Variants in AP2A2 observed in about 807,000 individuals in gnomAD.
AP2A2 encodes the protein AP-2 complex subunit alpha-2.
AP2A2 carries 32 observed loss-of-function variants against 104.2 expected under a neutral mutation model. That is an observed-to-expected ratio of 0.31 (90% CI 0.23 to 0.41). The LOEUF (loss-of-function observed/expected upper bound fraction) is 0.41, where lower values mean the gene tolerates loss of function less well. Ranked by LOEUF, AP2A2 falls within the 10% of genes least tolerant of loss-of-function variation. The pLI is 1.00. For missense variants in AP2A2, 912 were observed against 1,261.0 expected (o/e 0.72, Z 4.19); for synonymous variants, 539 against 533.3 (o/e 1.01, Z -0.15).
chr11:997,618 T>G (rs1196800800), intron 14 of AP2A2, among the ~76,000 whole-genome samples: 1 of 152,178 alleles, frequency 6.6e-6, no homozygotes, highest in Non-Finnish European at 1.5e-5. Flanking sequence ...TTAAAAGCCA[T>G]AGATGGCTGG....
intron 1 of AP2A2, among the ~76,000 whole-genome samples, chr11:945,868 A>G (rs1478637834): frequency 6.6e-6 from 1 of 152,210 alleles, no homozygotes; most frequent in Non-Finnish European, 1.5e-5. Flanking sequence ...GAGGCAGGAA[A>G]GCCAGTTAGG....
intron 2 of AP2A2, among the ~76,000 whole-genome samples, chr11:965,408 TTTG>T (rs1248477770): frequency 6.6e-6 from 1 of 152,238 alleles, no homozygotes; most frequent in South Asian, 2.1e-4. Context: ...TGAAACCGTA[TTTG>T]TTTGCCATCA....
chr11:925,929 C>G lies in AP2A2; in HGVS notation c.-93C>G, dbSNP rs1441401157. Reference sequence around the variant, plus strand: ...TTAGGCGGCTCCCCGGCGGCTCCTCCGCGGCGGTGACGGCGACCGCACTCC... The same window carrying G: ...TTAGGCGGCTCCCCGGCGGCTCCTCGGCGGCGGTGACGGCGACCGCACTCC... On this transcript the variant is annotated 5_prime_UTR_variant, in exon 1 of 22. Transcript: ENST00000448903. 2.0e-6 allele frequency: 2 copies of G among 1,017,544 alleles called. No individual in the cohort carries two copies. The highest frequency in any genetic ancestry group is 2.6e-6 in the Non-Finnish European group (2 of 766,464). The allele number at this position is 1,017,544 out of a possible 1,614,324, so 63.0% of individuals were successfully genotyped here.
intron 15 of AP2A2, among the ~76,000 whole-genome samples, chr11:1,002,708 C>T (rs1390240527): frequency 1.3e-5 from 2 of 152,254 alleles, no homozygotes; most frequent in Non-Finnish European, 2.9e-5. Context: ...CAGCAGGATG[C>T]CGATGAGAAG....
chr11:957,206 G>A (rs1007273635), intron 1 of AP2A2, among the ~76,000 whole-genome samples: 17 of 152,202 alleles, frequency 1.1e-4, no homozygotes, highest in South Asian at 2.1e-4. Flanking sequence ...GACGTGATGC[G>A]TAGGGCATGG....
Position 956,699 on chromosome 11 carries a change from A to C in AP2A2, c.68-2738A>C, listed in dbSNP as rs527561806. 2.0e-5 allele frequency: 3 copies of C among 152,316 alleles called. No homozygotes were observed. The East Asian group carries it at 5.8e-4, about 29-fold the overall frequency. The allele number at this position is 152,316 out of a possible 1,614,324, so 9.4% of individuals were successfully genotyped here. ...CATACATGCAAGTGTTTGTTGAGCG[A>C]GGTCCCTTTAGCAATAGATTTAGCG... On this transcript the variant is annotated intron_variant, in intron 1 of 21. Transcript: ENST00000448903.
At chr11:928,635 T>C (rs1163905215) in intron 1 of AP2A2, among the ~76,000 whole-genome samples, 3 of 152,258 alleles carry the variant, frequency 2.0e-5, no homozygotes, top group African/African-American at 7.2e-5. Context: ...TCTCCAGGCA[T>C]TGACAAATGT....
intron 14 of AP2A2, among the ~76,000 whole-genome samples, chr11:998,944 G>A (rs1225591085): frequency 1.3e-5 from 2 of 151,972 alleles, no homozygotes; most frequent in African/African-American, 2.4e-5. Context: ...TGCCCCCCTC[G>A]GCCTCCCAAA....
At chr11:1,003,994 A>G (rs1856113450) in intron 16 of AP2A2, among the ~76,000 whole-genome samples, 190 bp downstream of exon 16, 1 of 151,184 alleles carries the variant, frequency 6.6e-6, no homozygotes, top group African/African-American at 2.4e-5. Context: ...TCAAGACCCC[A>G]TCTCTACAAC....
chr11:928,480 A>G (rs1258753786), intron 1 of AP2A2, among the ~76,000 whole-genome samples: 1 of 152,240 alleles, frequency 6.6e-6, no homozygotes, highest in Non-Finnish European at 1.5e-5. Context: ...ACTCTATAAA[A>G]TACTTGACTA....
In AP2A2 at chr11:970,325, C is replaced by T; in HGVS notation, c.279+14C>T. 1.2e-6 allele frequency: 2 copies of T among 1,612,074 alleles called. No individual in the cohort carries two copies. Among genetic ancestry groups the T allele is most frequent in the South Asian group, 1.1e-5 (1 of 90,874 alleles). On this transcript the variant is annotated intron_variant, in intron 3 of 21. Transcript: ENST00000448903. ...GAAAAGCAGATCGTGAGTATCGCTG[C>T]AGGTGGAGACGGCAGAGGATGGCGT...
intron 16 of AP2A2, 31 bp downstream of exon 16, chr11:1,003,835 C>G: frequency 7.0e-7 from 1 of 1,424,300 alleles, no homozygotes; most frequent in Non-Finnish European, 9.7e-7. Flanking sequence ...ATGAAACTGT[C>G]TCTTAGAAAT....
At chr11:978,510 C>T (rs1002880176) in intron 5 of AP2A2, among the ~76,000 whole-genome samples, 3 of 152,196 alleles carry the variant, frequency 2.0e-5, no homozygotes, top group South Asian at 2.1e-4. Context: ...TTTCACCAGG[C>T]ACTTGAGTCA....
intron 7 of AP2A2, 156 bp from the exon 8 acceptor site, chr11:985,279 G>T (rs1215966886): frequency 3.0e-6 from 3 of 1,007,974 alleles, no homozygotes; most frequent in African/African-American, 3.2e-5. Flanking sequence ...CACCGTGCCC[G>T]GCCTGTCTCA....
At chr11:928,847 C>T (rs969224104) in intron 1 of AP2A2, among the ~76,000 whole-genome samples, 1 of 152,160 alleles carries the variant, frequency 6.6e-6, no homozygotes, top group Non-Finnish European at 1.5e-5. Context: ...CAGCGCCCAC[C>T]ATTCTCCTCC....
chr11:983,432 G>C (rs1481313998), intron 6 of AP2A2, among the ~76,000 whole-genome samples: 1 of 151,382 alleles, frequency 6.6e-6, no homozygotes, highest in Non-Finnish European at 1.5e-5. Flanking sequence ...GCCCAGGCTG[G>C]AGTGCAGTGG....
chr11:935,874 C>T (rs532440730), intron 1 of AP2A2, among the ~76,000 whole-genome samples: 2 of 146,548 alleles, frequency 1.4e-5, no homozygotes, highest in Non-Finnish European at 1.5e-5. Context: ...GAATTACAGG[C>T]GTGAGCCACT....
At chr11:933,630 C>T (rs1172951606) in intron 1 of AP2A2, 6 of 455,988 alleles carry the variant, frequency 1.3e-5, no homozygotes, top group Admixed American at 2.4e-5. Context: ...TTAAATAGCG[C>T]CCTGGAGACT....
At chr11:926,785 A>G (rs139092873) in intron 1 of AP2A2, among the ~76,000 whole-genome samples, 8 of 152,272 alleles carry the variant, frequency 5.3e-5, no homozygotes, top group African/African-American at 1.7e-4. Context: ...TGCTGCTCCA[A>G]TCACAGACCT....
Sources: gnomAD v4.1 joint callset for allele counts (sites outside exome capture counted in the v4.1 genomes callset) on GRCh38, gnomAD v4.1.1 for gene constraint, MANE v1.5 for transcripts, NCBI Gene and HGNC (gene_info 2026-07-23, HGNC 2026-07-21) for gene names.